Variants in KDM4B observed in about 807,000 individuals in gnomAD.
The protein encoded by KDM4B is lysine-specific demethylase 4B.
KDM4B carries 32 observed loss-of-function variants against 125.2 expected under a neutral mutation model. That is an observed-to-expected ratio of 0.26 (90% CI 0.19 to 0.34). The LOEUF (loss-of-function observed/expected upper bound fraction) is 0.34. KDM4B is among the 10% of genes least tolerant of loss of function. The probability of loss-of-function intolerance (pLI) is 1.00; values close to 1 mark genes in which losing one functional copy is unlikely to be tolerated. For synonymous variants in KDM4B, 721 were observed against 677.9 expected (o/e 1.06, Z -0.99); for missense variants, 1,190 against 1,577.7 (o/e 0.75, Z 4.16).
intron 1 of KDM4B, among the ~76,000 whole-genome samples, chr19:4,983,036 T>C (rs2034699235): frequency 6.6e-6 from 1 of 152,166 alleles, no homozygotes; most frequent in Non-Finnish European, 1.5e-5. Context: ...TATTACAGTG[T>C]ATTGTATTGA....
At chr19:5,053,443 G>A (rs1171726907) in intron 6 of KDM4B, among the ~76,000 whole-genome samples, 1 of 152,244 alleles carries the variant, frequency 6.6e-6, no homozygotes, top group Non-Finnish European at 1.5e-5. Flanking sequence ...GAGCTCCCAC[G>A]GAGAGCAGAT....
chr19:4,994,020 G>GTTTTTTTTT (rs55641886), intron 1 of KDM4B, among the ~76,000 whole-genome samples: 709 of 66,600 alleles, frequency 0.011, 1 homozygote, highest in Non-Finnish European at 0.014. Context: ...TTTTCAGCCT[G>GTTTTTTTTT]TTTTTTTTTT....
chr19:5,092,526 G>A (rs1204188258), intron 9 of KDM4B, among the ~76,000 whole-genome samples: 1 of 152,250 alleles, frequency 6.6e-6, no homozygotes, highest in Admixed American at 6.5e-5. Context: ...AGGGTCGGGG[G>A]CTTTTCTAGA....
rs188161316 is a variant in KDM4B at position 5,066,102 on chromosome 19, C to T, written c.627-4908C>T. ...AGTCAGACTCATGTGTGTCAGGCCG[C>T]GGGGCTCAGCCTCAGTTGCTCTCTG... On this transcript the variant is annotated intron_variant, in intron 6 of 22. Coordinates refer to ENST00000159111, the MANE Select transcript of KDM4B (RefSeq NM_015015.3). Among the ~76,000 whole-genome samples the T allele has an allele frequency of 4.7e-4, 72 of 152,342 alleles. No individual in the cohort carries two copies. In the East Asian group the frequency reaches 0.011, roughly 23 times the overall value.
chr19:5,060,098 C>T (rs540570439), intron 6 of KDM4B, among the ~76,000 whole-genome samples: 25 of 152,306 alleles, frequency 1.6e-4, no homozygotes, highest in South Asian at 4.1e-4. Flanking sequence ...GGGCTGGGCT[C>T]ATGTGGGAGC....
intron 1 of KDM4B, among the ~76,000 whole-genome samples, chr19:5,005,739 C>T (rs151257343): frequency 9.8e-5 from 15 of 152,298 alleles, no homozygotes; most frequent in Admixed American, 2.6e-4. Flanking sequence ...CCTCTAAGAT[C>T]GCTCTTAGAG....
At chr19:5,096,244 C>T (rs1332703572) in intron 9 of KDM4B, among the ~76,000 whole-genome samples, 1 of 152,034 alleles carries the variant, frequency 6.6e-6, no homozygotes, top group Non-Finnish European at 1.5e-5. Context: ...GCCACCACAC[C>T]TGGCTAATTT....
intron 3 of KDM4B, among the ~76,000 whole-genome samples, chr19:5,034,179 T>C (rs1273947858): frequency 6.6e-6 from 1 of 152,232 alleles, no homozygotes; most frequent in Non-Finnish European, 1.5e-5. Flanking sequence ...GTTTCACGGC[T>C]CTGAAGGTGG....
chr19:5,121,445 C>T (rs957666588), intron 11 of KDM4B, among the ~76,000 whole-genome samples: 4 of 152,170 alleles, frequency 2.6e-5, no homozygotes, highest in African/African-American at 9.7e-5. Context: ...TACTGAGAAG[C>T]AGCAAGCAAG....
At chr19:5,017,744 A>T (rs1012237932) in intron 2 of KDM4B, among the ~76,000 whole-genome samples, 3 of 151,908 alleles carry the variant, frequency 2.0e-5, no homozygotes, top group African/African-American at 7.3e-5. Flanking sequence ...TTATTTATTT[A>T]TTTTTATTTT....
intron 9 of KDM4B, among the ~76,000 whole-genome samples, chr19:5,104,188 G>A (rs2038991740): frequency 1.3e-5 from 2 of 151,994 alleles, no homozygotes; most frequent in South Asian, 4.2e-4. Flanking sequence ...CCTCCACCCC[G>A]GCAGCAGCAG....
In KDM4B at chr19:5,133,938, G is replaced by A. The variant is rs778267422; in HGVS notation, c.1962G>A (p.Pro654=). 8 of 1,613,042 alleles carry A rather than the reference G, an allele frequency of 5.0e-6. No individual in the cohort carries two copies. In the East Asian group the frequency reaches 8.9e-5, roughly 18 times the overall value. ...EDVSDPDALR[P]LLSLQWKNRA... ...TGAGTGACCCGGACGCCTTGAGGCC[G>A]CTGCTGTCTCTGCAGTGGAAGAACA... Residue 654 remains proline, a synonymous_variant, in exon 14 of 23, where the codon CCG becomes CCA. Transcript: ENST00000159111.
chr19:5,116,266 A>G (rs1471609792), intron 10 of KDM4B, among the ~76,000 whole-genome samples: 4 of 141,664 alleles, frequency 2.8e-5, no homozygotes, highest in Non-Finnish European at 6.2e-5. Flanking sequence ...AAAAAAAATT[A>G]TAAAGAATAG....
At position 5,135,509 on chromosome 19, in the gene KDM4B, C is replaced by T. The variant is rs968661802; in HGVS notation, c.2256C>T (p.Asp752=). 10 of 1,610,980 alleles carry T rather than the reference C, an allele frequency of 6.2e-6. No individual in the cohort carries two copies. The highest frequency in any genetic ancestry group is 5.3e-5 in the African/African-American group (4 of 74,886). The part of the protein sequence containing the change: ...PLPANSYIGD[D]GTSPLIACGK... ...CTGCCAACTCCTACATCGGCGACGA[C>T]GGGACCAGCCCCCTGATCGCCTGCG... Residue 752 remains aspartate (D), a synonymous_variant, in exon 15 of 23, where the codon GAC becomes GAT. Coordinates refer to ENST00000159111, the MANE Select transcript of KDM4B (RefSeq NM_015015.3).
intron 11 of KDM4B, among the ~76,000 whole-genome samples, chr19:5,122,383 T>C (rs2039377237): frequency 6.6e-6 from 1 of 152,188 alleles, no homozygotes; most frequent in Non-Finnish European, 1.5e-5. Flanking sequence ...GAATATTCCT[T>C]CTGCCACGGG....
intron 6 of KDM4B, chr19:5,070,499 G>A (rs2037912641): frequency 6.5e-6 from 1 of 153,138 alleles, no homozygotes; most frequent in Admixed American, 6.5e-5. Flanking sequence ...GACAAATGCA[G>A]CTTTTCTCAT....
Position 5,082,099 on chromosome 19 carries a change from G to A in KDM4B, c.781-268G>A, listed in dbSNP as rs2038315554. Among the ~76,000 whole-genome samples the A allele has an allele frequency of 6.6e-6, 1 of 152,226 alleles. No homozygotes were observed. Among genetic ancestry groups the A allele is most frequent in the African/African-American group, 2.4e-5 (1 of 41,456 alleles). The stretch of plus-strand genomic sequence containing the variant: ...ATGCTGACGGCCGCCTTGGGGCAGG[G>A]CAGGGGCTGCTGGGGCTGGAGGGGC... On this transcript the variant is annotated intron_variant, in intron 8 of 22. Transcript: ENST00000159111. This position sits in a 1 kb window ranked among gnomAD's most constrained non-coding sequence, Gnocchi z 5.4.
chr19:5,091,015 G>A (rs2038690241), intron 9 of KDM4B, among the ~76,000 whole-genome samples: 1 of 152,150 alleles, frequency 6.6e-6, no homozygotes, highest in East Asian at 1.9e-4. Context: ...CTTTGTAGTG[G>A]GATTACTAAT....
chr19:5,038,263 T>TGGCACCCAGAAGGCCCGTGGTGCCC (rs1310573273), intron 3 of KDM4B, among the ~76,000 whole-genome samples: 24 of 152,206 alleles, frequency 1.6e-4, no homozygotes, highest in Admixed American at 1.6e-3. Flanking sequence ...GAAGGGTGCC[T>TGGCACCCAGAAGGCCCGTGGTGCCC]GGCACCCAGA....
Sources: allele counts gnomAD v4.1 joint callset (sites outside exome capture counted in the v4.1 genomes callset), GRCh38; gene constraint gnomAD v4.1.1; non-coding constraint Gnocchi (gnomAD v3.1); transcripts MANE v1.5; gene names NCBI Gene and HGNC (gene_info 2026-07-23, HGNC 2026-07-21).